SNTG1: variants seen among roughly 807,000 people sequenced by gnomAD.
SNTG1 encodes gamma-1-syntrophin.
SNTG1 carries 39 observed loss-of-function variants against 74.7 expected under a neutral mutation model. The observed-to-expected ratio is 0.52, with a 90% confidence interval of 0.40 to 0.68. SNTG1 has a LOEUF of 0.68. SNTG1 is among the 30% of genes least tolerant of loss of function. The pLI is 0.00. For synonymous variants in SNTG1, 254 were observed against 217.1 expected, an observed-to-expected ratio of 1.17 and a Z score of -1.49; for missense variants, 685 against 609.5, an observed-to-expected ratio of 1.12 and a Z score of -1.30.
At chr8:50,534,192 AG>A (rs2094291016) in intron 10 of SNTG1, among the ~76,000 whole-genome samples, 1 of 152,192 alleles carries the variant, frequency 6.6e-6, no homozygotes, top group South Asian at 2.1e-4. Flanking sequence ...GCTATCAAAA[AG>A]GTGTTAGTCT....
intron 12 of SNTG1, among the ~76,000 whole-genome samples, chr8:50,577,870 A>T (rs1295563568): frequency 1.3e-5 from 2 of 152,214 alleles, no homozygotes; most frequent in African/African-American, 4.8e-5. Flanking sequence ...ATCAGCTTCT[A>T]GTAAAAGAAG....
chr8:50,360,246 G>C (rs1489021904), intron 2 of SNTG1, among the ~76,000 whole-genome samples: 1 of 152,096 alleles, frequency 6.6e-6, no homozygotes, highest in African/African-American at 2.4e-5. Context: ...GTACAAATGG[G>C]AGTGACAATG....
chr8:50,290,110 A>G (rs1413084412), intron 2 of SNTG1, among the ~76,000 whole-genome samples: 1 of 152,120 alleles, frequency 6.6e-6, no homozygotes, highest in Non-Finnish European at 1.5e-5. Context: ...TCTTCCAGGA[A>G]CCATAGCTCT....
chr8:50,724,093 A>C (rs1214202488), intron 17 of SNTG1, among the ~76,000 whole-genome samples: 1 of 152,174 alleles, frequency 6.6e-6, no homozygotes, highest in Non-Finnish European at 1.5e-5. Flanking sequence ...ATTCATGTTT[A>C]CTTTATCAAA....
chr8:50,206,947 G>A (rs191216815), intron 2 of SNTG1, among the ~76,000 whole-genome samples: 2 of 152,138 alleles, frequency 1.3e-5, no homozygotes, highest in Non-Finnish European at 2.9e-5. Flanking sequence ...CCTTTTTGAC[G>A]TGCTGCTGGT....
chr8:50,487,065 C>G (rs2093802348), intron 8 of SNTG1, among the ~76,000 whole-genome samples: 1 of 152,070 alleles, frequency 6.6e-6, no homozygotes, highest in African/African-American at 2.4e-5. Flanking sequence ...GACATTTATG[C>G]AGCCAAAAAA....
intron 10 of SNTG1, 152 bp downstream of exon 10, chr8:50,530,411 A>C: frequency 1.3e-6 from 1 of 798,260 alleles, no homozygotes; most frequent in Middle Eastern, 3.2e-4. Flanking sequence ...AAATAAATAG[A>C]TCAGGTTTCT....
intron 8 of SNTG1, among the ~76,000 whole-genome samples, chr8:50,486,052 C>A (rs377515813): frequency 6.6e-6 from 1 of 152,342 alleles, no homozygotes; most frequent in Admixed American, 6.5e-5. Context: ...GTTACTGTAG[C>A]CTTGTAGTAT....
chr8:50,728,877 T>A (rs1303019723), intron 17 of SNTG1, among the ~76,000 whole-genome samples: 2 of 152,168 alleles, frequency 1.3e-5, no homozygotes, highest in Non-Finnish European at 2.9e-5. Flanking sequence ...TCTTATCTCA[T>A]TCCACTTGTA....
At chr8:50,689,022 G>A (rs868301763) in intron 15 of SNTG1, among the ~76,000 whole-genome samples, 2 of 150,854 alleles carry the variant, frequency 1.3e-5, no homozygotes, top group Non-Finnish European at 1.5e-5. Context: ...TGAAGCAATT[G>A]TGAATGGGAA....
intron 8 of SNTG1, among the ~76,000 whole-genome samples, chr8:50,469,583 G>A (rs1358651094): frequency 1.3e-5 from 2 of 152,096 alleles, no homozygotes; most frequent in Admixed American, 6.6e-5. Flanking sequence ...TTTTGTTGGG[G>A]CTCACACTCA....
At chr8:50,380,117 T>C (rs1222267952) in intron 2 of SNTG1, among the ~76,000 whole-genome samples, 1 of 152,234 alleles carries the variant, frequency 6.6e-6, no homozygotes, top group Admixed American at 6.5e-5. Context: ...GTTATGCCAC[T>C]ATTATATTGA....
chr8:50,248,414 C>T (rs1049605325), intron 2 of SNTG1, among the ~76,000 whole-genome samples: 3 of 152,152 alleles, frequency 2.0e-5, no homozygotes, highest in African/African-American at 7.2e-5. Context: ...CAAACATGTT[C>T]TTATACATCT....
intron 9 of SNTG1, among the ~76,000 whole-genome samples, chr8:50,519,498 A>C (rs2094161688): frequency 2.0e-5 from 3 of 152,222 alleles, no homozygotes; most frequent in Admixed American, 2.0e-4. Context: ...CAAATAGGAA[A>C]AGAGGAAGTC....
chr8:50,287,650 A>G (rs748042601), intron 2 of SNTG1, among the ~76,000 whole-genome samples: 19 of 151,974 alleles, frequency 1.3e-4, no homozygotes, highest in Non-Finnish European at 1.9e-4. Context: ...CTTATACCCA[A>G]CCTGTCTTCC....
chr8:50,049,775 G>A (rs906412906), intron 1 of SNTG1, among the ~76,000 whole-genome samples: 1 of 151,986 alleles, frequency 6.6e-6, no homozygotes, highest in African/African-American at 2.4e-5. Flanking sequence ...ACCATAGTGG[G>A]ATTAAAATAG....
chr8:50,039,798 A>C (rs974619169), intron 1 of SNTG1, among the ~76,000 whole-genome samples: 1 of 152,044 alleles, frequency 6.6e-6, no homozygotes, highest in African/African-American at 2.4e-5. Flanking sequence ...TTTTTCTAGT[A>C]ATTTGGGAGG....
chr8:50,435,240 T>G (rs528309770), intron 4 of SNTG1, among the ~76,000 whole-genome samples: 1 of 152,122 alleles, frequency 6.6e-6, no homozygotes, highest in Non-Finnish European at 1.5e-5. Flanking sequence ...AAAAAGAAGA[T>G]TAAATAAAGG....
chr8:50,561,466 T>C lies in SNTG1; in HGVS notation c.810+8287T>C, dbSNP rs577225301. Among the ~76,000 whole-genome samples, 3 of 152,212 alleles carry C rather than the reference T, an allele frequency of 2.0e-5. No individual in the cohort carries two copies. The East Asian group carries it at 5.8e-4, about 29-fold the overall frequency. On this transcript the variant is annotated intron_variant, in intron 12 of 18. Coordinates refer to ENST00000642720, the MANE Select transcript of SNTG1 (RefSeq NM_018967.5). ...ACAGTGCAAACCATAAAAGAAAGGT[T>C]TGTAGCTTTGTTAATACTAGGCAAA...
Sources: allele counts gnomAD v4.1 joint callset (sites outside exome capture counted in the v4.1 genomes callset), GRCh38; gene constraint gnomAD v4.1.1; transcripts MANE v1.5; gene names NCBI Gene and HGNC (gene_info 2026-07-23, HGNC 2026-07-21).